The following DCAF4 variants were observed in gnomAD, a reference collection of about 807,000 sequenced individuals.
DCAF4 encodes the protein DDB1- and CUL4-associated factor 4.
Under a neutral mutation model 60.9 loss-of-function variants are expected in DCAF4, and 37 were observed. The observed-to-expected ratio is 0.61, with a 90% confidence interval of 0.47 to 0.80. The LOEUF is 0.80. Ranked by LOEUF, DCAF4 falls within the 30% of genes least tolerant of loss-of-function variation. The probability of loss-of-function intolerance (pLI) is 0.00; values close to 1 mark genes in which losing one functional copy is unlikely to be tolerated. For synonymous variants in DCAF4, 243 were observed against 254.8 expected (o/e 0.95, Z 0.44); for missense variants, 577 against 650.0 (o/e 0.89, Z 1.22).
Position 72,958,651 on chromosome 14 carries a change from A to G in DCAF4, c.1334A>G (p.Asp445Gly). 1.2e-6 allele frequency: 2 copies of G among 1,614,110 alleles called. No homozygotes were observed. The highest frequency in any genetic ancestry group is 2.2e-5 in the South Asian group (2 of 91,070). ...DCYTRIWSLH[D>G]ARLLRTIPSP... ...TACACGAGAATCTGGAGCCTCCACG[A>G]TGCCCGCCTACTGAGAACCATACCC... Residue 445 changes from aspartate to glycine, a missense_variant, in exon 14 of 14, where the codon GAT becomes GGT. By Grantham distance (94) the Asp-to-Gly change is moderately conservative. Transcript: ENST00000358377.
At chr14:72,953,726 AAAAAAAATATATATATATAT>A (rs1297722579) in intron 9 of DCAF4, among the ~76,000 whole-genome samples, 1 of 45,868 alleles carries the variant, frequency 2.2e-5, no homozygotes, top group African/African-American at 1.1e-4. Context: ...AAAAAAAAAA[AAAAAAAATATATATATATAT>A]ATATATATAT....
intron 5 of DCAF4, chr14:72,942,298 A>T (rs999489956): frequency 6.4e-6 from 1 of 156,848 alleles, no homozygotes; most frequent in Non-Finnish European, 1.4e-5. Context: ...TTCCTGAAGA[A>T]GAGACTGAGG....
chr14:72,953,751 ATATATATATATAGTTT>A lies in DCAF4; in HGVS notation c.809-412_809-397del, dbSNP rs1398847579. ...AAAAAAAATATATATATATATATAT[ATATATATATATAGTTT>A]ATTTATTTATTTATTTGTGTGTGTG... On this transcript the variant is annotated intron_variant, in intron 9 of 13. Coordinates refer to ENST00000358377, the MANE Select transcript of DCAF4 (RefSeq NM_015604.4). Among the ~76,000 whole-genome samples the A allele has an allele frequency of 3.7e-4, 27 of 72,302 alleles. 5 individuals carry two copies. Among genetic ancestry groups the A allele is most frequent in the African/African-American group, 6.5e-4 (13 of 20,146 alleles). 47.4% of individuals were successfully genotyped at this position (72,302 alleles called of 152,430 possible).
intron 6 of DCAF4, among the ~76,000 whole-genome samples, chr14:72,943,360 T>G (rs1438805509): frequency 6.6e-6 from 1 of 152,174 alleles, no homozygotes; most frequent in East Asian, 1.9e-4. Flanking sequence ...CAGCCACACC[T>G]TGACTACTGA....
intron 3 of DCAF4, 80 bp from the exon 4 acceptor site, chr14:72,940,140 G>A (rs2140232040): frequency 1.2e-5 from 18 of 1,558,848 alleles, no homozygotes; most frequent in Non-Finnish European, 1.5e-5. Context: ...ACGAGGTGGG[G>A]GGACAGGCCA....
At chr14:72,939,719 T>G in intron 2 of DCAF4, 83 bp from the exon 3 acceptor site, 1 of 1,197,400 alleles carries the variant, frequency 8.4e-7, no homozygotes, top group Non-Finnish European at 1.2e-6. Context: ...GCTGCAGAAC[T>G]GCCCGAATGG....
At chr14:72,938,754 T>TA (rs1461026283) in intron 2 of DCAF4, among the ~76,000 whole-genome samples, 1 of 152,106 alleles carries the variant, frequency 6.6e-6, no homozygotes, top group African/African-American at 2.4e-5. Context: ...GATTTTTTTT[T>TA]AAATGGTATA....
At chr14:72,942,893 G>T in intron 5 of DCAF4, 101 bp from the exon 6 acceptor site, 2 of 1,003,696 alleles carry the variant, frequency 2.0e-6, no homozygotes, top group South Asian at 1.5e-5. Flanking sequence ...AGGCTGACGA[G>T]GAGAGATGGG....
intron 2 of DCAF4, among the ~76,000 whole-genome samples, 196 bp from the exon 3 acceptor site, chr14:72,939,606 G>GA (rs1889749641): frequency 6.6e-6 from 1 of 152,134 alleles, no homozygotes; most frequent in South Asian, 2.1e-4. Context: ...TTTAAAGAAA[G>GA]AAAAAAGAAT....
At chr14:72,933,481 C>A (rs1394094220) in intron 1 of DCAF4, among the ~76,000 whole-genome samples, 2 of 151,912 alleles carry the variant, frequency 1.3e-5, no homozygotes, top group Admixed American at 1.3e-4. Flanking sequence ...ATCGCTTGAA[C>A]CCAGGAGGCA....
Position 72,954,229 on chromosome 14 carries a change from C to T in DCAF4, c.874C>T (p.Leu292=). The change falls in exon 10 of 14, where the codon CTG becomes TTG. Residue 292 remains leucine, a synonymous_variant. Transcript: ENST00000358377. ...TGGTGCCTGGTCCTGTGCCTGGTCC[C>T]TGAATATCCAAGCAAATAACTGCTT... ...IPGAWSCAWS[L]NIQANNCFST... 6.2e-7 allele frequency: 1 copy of T among 1,614,200 alleles called. No homozygotes were observed. The highest frequency in any genetic ancestry group is 8.5e-7 in the Non-Finnish European group (1 of 1,180,042).
Position 72,943,007 on chromosome 14 carries a change from C to G in DCAF4, c.445C>G (p.Leu149Val), listed in dbSNP as rs1052704173. The G allele has an allele frequency of 1.9e-6, 3 of 1,614,146 alleles. No individual in the cohort carries two copies. The Admixed American group carries it at 5.0e-5, about 27-fold the overall frequency. ...CTGTTTCTGCAGTTTAGCCCACGAG[C>G]TGCGTCTCAGCTGCATGGAGAGGAA... ...VTNYCHLAHE[L>V]RLSCMERKKV... The change falls in exon 6 of 14, where the codon CTG becomes GTG. Residue 149 changes from leucine to valine, a missense_variant. By Grantham distance (32) the Leu-to-Val change is conservative (BLOSUM62 1). Coordinates refer to ENST00000358377, the MANE Select transcript of DCAF4 (RefSeq NM_015604.4).
intron 8 of DCAF4, among the ~76,000 whole-genome samples, chr14:72,948,496 C>T (rs1023534379): frequency 6.6e-6 from 1 of 152,112 alleles, no homozygotes; most frequent in African/African-American, 2.4e-5. Flanking sequence ...TGGGACTGAC[C>T]ACATGTTACT....
chr14:72,956,399 A>AC lies in DCAF4; in HGVS notation c.1195dup (p.Leu399ProfsTer16). 6.2e-7 allele frequency: 1 copy of AC among 1,609,500 alleles called. No homozygotes were observed. The highest frequency in any genetic ancestry group is 8.5e-7 in the Non-Finnish European group (1 of 1,177,660). On this transcript the variant is annotated frameshift_variant, in exon 13 of 14. Coordinates refer to ENST00000358377, the MANE Select transcript of DCAF4 (RefSeq NM_015604.4). LOFTEE classifies it high-confidence loss of function. ...CTTTTTCCACAGATCAAGCTGTGGG[A>AC]CCTGAGGACCACGAAGTGCGTAAGG... is the stretch of plus-strand genomic sequence containing the variant.
At chr14:72,937,575 A>G (rs1889450787) in intron 1 of DCAF4, among the ~76,000 whole-genome samples, 1 of 151,602 alleles carries the variant, frequency 6.6e-6, no homozygotes, top group South Asian at 2.1e-4. Flanking sequence ...TGCACGTTAC[A>G]ACTCCCGGCT....
chr14:72,927,188 C>G (rs1270712213), intron 1 of DCAF4, among the ~76,000 whole-genome samples: 1 of 152,186 alleles, frequency 6.6e-6, no homozygotes, highest in Non-Finnish European at 1.5e-5. Context: ...AACCATGACG[C>G]CTTTCACCAT....
At chr14:72,947,606 A>C (rs1473428401) in intron 8 of DCAF4, among the ~76,000 whole-genome samples, 4 of 152,204 alleles carry the variant, frequency 2.6e-5, no homozygotes, top group Non-Finnish European at 5.9e-5. Context: ...TAGCAGAGGA[A>C]CAAGGCAGAA....
At chr14:72,933,974 G>A (rs552720240) in intron 1 of DCAF4, among the ~76,000 whole-genome samples, 5 of 152,180 alleles carry the variant, frequency 3.3e-5, no homozygotes, top group South Asian at 2.1e-4. Context: ...ACCCCATGCC[G>A]CTGCCTTTCA....
chr14:72,940,125 C>T, intron 3 of DCAF4, 95 bp from the exon 4 acceptor site: 3 of 1,507,142 alleles, frequency 2.0e-6, no homozygotes, highest in South Asian at 1.2e-5. Flanking sequence ...AAAAGACAGG[C>T]AGCCACGAGG....
Sources: gnomAD v4.1 joint callset for allele counts (sites outside exome capture counted in the v4.1 genomes callset) on GRCh38, gnomAD v4.1.1 for gene constraint, MANE v1.5 for transcripts, NCBI Gene and HGNC (gene_info 2026-07-23, HGNC 2026-07-21) for gene names.